The following CCT4 variants were observed in gnomAD, a reference collection of about 807,000 sequenced individuals.
The protein encoded by CCT4 is chaperonin containing TCP1 subunit 4.
A neutral mutation model predicts 62.5 loss-of-function variants in CCT4; 17 were observed. The ratio of observed to expected loss-of-function variants is 0.27; its 90% CI spans 0.19 to 0.41. CCT4 has a LOEUF of 0.41. Among genes scored for constraint, CCT4 ranks in the 10% least tolerant of loss-of-function variants. The pLI, the probability that CCT4 is intolerant of heterozygous loss-of-function variation, is 1.00. For missense variants in CCT4, 592 were observed against 659.2 expected, an observed-to-expected ratio of 0.90 and a Z score of 1.12; for synonymous variants, 250 against 229.9, an observed-to-expected ratio of 1.09 and a Z score of -0.79.
At chr2:61,875,866 T>C (rs944700159) in intron 8 of CCT4, among the ~76,000 whole-genome samples, 2 of 152,230 alleles carry the variant, frequency 1.3e-5, no homozygotes, top group South Asian at 2.1e-4. Context: ...ACTGAACTTA[T>C]ACCATTTTTT....
chr2:61,873,310 G>A lies in CCT4; in HGVS notation c.918-17C>T, dbSNP rs1215171288. The A allele has an allele frequency of 7.3e-7, 1 of 1,369,502 alleles. No individual in the cohort carries two copies. Among genetic ancestry groups the A allele is most frequent in the Admixed American group, 1.7e-5 (1 of 57,322 alleles). 84.8% of individuals were successfully genotyped at this position (1,369,502 alleles called of 1,614,324 possible). Reference sequence around the variant, plus strand: ...AGAGCATCTCTAAAATACAAAATCAGTGATTATGTCAATGCTAGATTAAAA... The same window carrying A: ...AGAGCATCTCTAAAATACAAAATCAATGATTATGTCAATGCTAGATTAAAA... On this transcript the variant is annotated splice_polypyrimidine_tract_variant and intron_variant, in intron 8 of 13. Coordinates refer to ENST00000394440, the MANE Select transcript of CCT4 (RefSeq NM_006430.4).
intron 3 of CCT4, among the ~76,000 whole-genome samples, chr2:61,880,628 AT>A (rs1669092302): frequency 6.6e-6 from 1 of 152,182 alleles, no homozygotes; most frequent in Admixed American, 6.5e-5. Flanking sequence ...AAAAGTTCTA[AT>A]TAGAAAGCAA....
intron 8 of CCT4, among the ~76,000 whole-genome samples, chr2:61,873,624 G>C (rs1016593621): frequency 6.6e-6 from 1 of 152,050 alleles, no homozygotes; most frequent in East Asian, 1.9e-4. Flanking sequence ...GGAGTGCAAT[G>C]GCACGATCTT....
chr2:61,879,966 G>GA (rs1669078316), intron 4 of CCT4, among the ~76,000 whole-genome samples: 1 of 151,852 alleles, frequency 6.6e-6, no homozygotes, highest in Non-Finnish European at 1.5e-5. Flanking sequence ...GACCTCAGGG[G>GA]ATCCACCCAC....
At chr2:61,885,921 T>C (rs932558870) in intron 1 of CCT4, 4 of 152,222 alleles carry the variant, frequency 2.6e-5, no homozygotes, top group Admixed American at 6.5e-5. Context: ...CAGAAGTGTT[T>C]TGAATTTTGG....
At chr2:61,877,605 T>G in intron 5 of CCT4, 91 bp from the exon 6 acceptor site, 2 of 1,043,892 alleles carry the variant, frequency 1.9e-6, no homozygotes, top group Non-Finnish European at 1.3e-6. Flanking sequence ...AAGACTCTTA[T>G]AATTTTTGCA....
At chr2:61,887,782 A>T (rs532804179) in intron 1 of CCT4, among the ~76,000 whole-genome samples, 1 of 152,320 alleles carries the variant, frequency 6.6e-6, no homozygotes, top group South Asian at 2.1e-4. Context: ...AAAACAAATA[A>T]TTGTTTCTTG....
At chr2:61,879,317 A>G (rs1346216254) in intron 4 of CCT4, among the ~76,000 whole-genome samples, 1 of 129,768 alleles carries the variant, frequency 7.7e-6, no homozygotes, top group Middle Eastern at 5.1e-3. Context: ...GCTAGAGTGC[A>G]GCGCCCTGAT....
chr2:61,874,573 T>C (rs1352217156), intron 8 of CCT4, among the ~76,000 whole-genome samples: 1 of 151,672 alleles, frequency 6.6e-6, no homozygotes, highest in Non-Finnish European at 1.5e-5. Flanking sequence ...ACTGCGCCAT[T>C]GTACTCTAGC....
rs1435525089 is a variant in CCT4 at position 61,872,586 on chromosome 2, A to G, written c.1128T>C (p.Ile376=). ...TTTTTCCAGGGCTGGCACAGCCTGT[A>G]ATCTTCAGTAAACAAATTCCAAATT... The part of the protein sequence containing the change: ...NLNGSGKLLK[I]TGCASPGKTV... Residue 376 remains isoleucine (I), a splice_region_variant and synonymous_variant, in exon 11 of 14, where the codon ATT becomes ATC. Transcript: ENST00000394440. 2 of 1,612,994 alleles carry G rather than the reference A, an allele frequency of 1.2e-6. No individual in the cohort carries two copies. Among genetic ancestry groups the G allele is most frequent in the Non-Finnish European group, 1.7e-6 (2 of 1,179,708 alleles).
In CCT4 at chr2:61,877,283, A is replaced by G. The variant is rs978422253; in HGVS notation, c.644+110T>C. The G allele has an allele frequency of 7.5e-6, 9 of 1,196,186 alleles. No homozygotes were observed. In the African/African-American group the frequency reaches 1.4e-4, roughly 18 times the overall value. 74.1% of individuals were successfully genotyped at this position (1,196,186 alleles called of 1,614,324 possible). ...TACAAATTCTCACGAAAACAAAACC[A>G]AAAAGAGAAAAGAGAGCTTTGTGAC... On this transcript the variant is annotated intron_variant, in intron 6 of 13. Transcript: ENST00000394440.
intron 13 of CCT4, 135 bp from the exon 14 acceptor site, chr2:61,868,841 A>G: frequency 1.4e-6 from 1 of 708,052 alleles, no homozygotes; most frequent in Admixed American, 2.2e-5. Context: ...AATATTTATC[A>G]AAAGTAAAAA....
chr2:61,876,839 AT>A, intron 7 of CCT4, 80 bp downstream of exon 7: 1 of 1,208,568 alleles, frequency 8.3e-7, no homozygotes, highest in Non-Finnish European at 1.2e-6. Context: ...CACTAGTAGT[AT>A]TTTCTATTTT....
At chr2:61,875,626 G>A (rs532707118) in intron 8 of CCT4, among the ~76,000 whole-genome samples, 2 of 151,496 alleles carry the variant, frequency 1.3e-5, no homozygotes, top group Non-Finnish European at 2.9e-5. Context: ...TATTAGAAGT[G>A]TGGTTTAGAC....
rs747615206 is a variant in CCT4 at position 61,872,226 on chromosome 2, G to A, written c.1347C>T (p.Tyr449=). The part of the protein sequence containing the change: ...YSRTLSGMES[Y]CVRAFADAME... ...TAGCATCTGCAAAAGCACGAACGCA[G>A]TAGGATTCCATACCACTCAGTGTTC... Residue 449 remains tyrosine, a synonymous_variant, in exon 12 of 14, where the codon TAC becomes TAT. Transcript: ENST00000394440. 1 of 1,613,898 alleles carries A rather than the reference G, an allele frequency of 6.2e-7. No homozygotes were observed. The highest frequency in any genetic ancestry group is 8.5e-7 in the Non-Finnish European group (1 of 1,179,810).
chr2:61,868,579 C>T lies in CCT4; in HGVS notation c.*113G>A. 1.3e-6 allele frequency: 1 copy of T among 793,596 alleles called. No homozygotes were observed. The highest frequency in any genetic ancestry group is 2.1e-6 in the Non-Finnish European group (1 of 468,094). 49.2% of individuals were successfully genotyped at this position (793,596 alleles called of 1,614,324 possible). A position where few individuals can be genotyped will look rare whatever the true frequency, so the allele number is the denominator to read the frequency against. Reference sequence around the variant, plus strand: ...CTTCAGGCAAATGCCAACTGGAAGACCAAGCCCAGAAATTCAGAGGAAATA... The same window carrying T: ...CTTCAGGCAAATGCCAACTGGAAGATCAAGCCCAGAAATTCAGAGGAAATA... On this transcript the variant is annotated 3_prime_UTR_variant, in exon 14 of 14. Transcript: ENST00000394440.
intron 12 of CCT4, among the ~76,000 whole-genome samples, chr2:61,870,006 G>A (rs1668851398): frequency 6.6e-6 from 1 of 150,486 alleles, no homozygotes; most frequent in Admixed American, 6.6e-5. Context: ...GGCTAGGTGC[G>A]GTGGCTCACG....
chr2:61,876,062 A>T, intron 8 of CCT4, 33 bp downstream of exon 8: 1 of 1,460,530 alleles, frequency 6.8e-7, no homozygotes, highest in Non-Finnish European at 9.4e-7. Flanking sequence ...CAAAATTATC[A>T]TTAAGGGATG....
intron 2 of CCT4, 21 bp downstream of exon 2, chr2:61,884,999 T>G: frequency 1.3e-6 from 2 of 1,563,434 alleles, no homozygotes; most frequent in Non-Finnish European, 1.7e-6. Flanking sequence ...ATTAGTAGTA[T>G]TCAATGACTC....
Sources: allele counts gnomAD v4.1 joint callset (sites outside exome capture counted in the v4.1 genomes callset), GRCh38; gene constraint gnomAD v4.1.1; transcripts MANE v1.5; gene names NCBI Gene and HGNC (gene_info 2026-07-23, HGNC 2026-07-21).